The following LINGO2 variants were observed in gnomAD, a reference collection of about 807,000 sequenced individuals.
LINGO2 encodes leucine-rich repeat and immunoglobulin-like domain-containing nogo receptor-interacting protein 2.
In LINGO2, 14 loss-of-function variants were observed where a neutral mutation model predicts 30.6. The ratio of observed to expected loss-of-function variants is 0.46; its 90% CI spans 0.30 to 0.72. The LOEUF (loss-of-function observed/expected upper bound fraction) is 0.72, where lower values mean the gene tolerates loss of function less well. LINGO2 is among the 30% of genes least tolerant of loss of function. The pLI is 0.07. For synonymous variants in LINGO2, 317 were observed against 288.5 expected, an observed-to-expected ratio of 1.10 and a Z score of -1.00; for missense variants, 729 against 751.7, an observed-to-expected ratio of 0.97 and a Z score of 0.35.
At chr9:28,303,416 G>A (rs1824221957) in intron 3 of LINGO2, among the ~76,000 whole-genome samples, 1 of 151,990 alleles carries the variant, frequency 6.6e-6, no homozygotes, top group Non-Finnish European at 1.5e-5. Flanking sequence ...AAAGCTTGAG[G>A]GAGTGACACA....
At chr9:28,509,542 C>T (rs1820286155) in intron 1 of LINGO2, among the ~76,000 whole-genome samples, 1 of 152,096 alleles carries the variant, frequency 6.6e-6, no homozygotes, top group South Asian at 2.1e-4. Flanking sequence ...CAGTTGTGCC[C>T]CTATCAAAAT....
chr9:29,038,445 CTGAG>C, the LINGO2 span, among the ~76,000 whole-genome samples: 21 of 152,130 alleles, frequency 1.4e-4, no homozygotes, highest in African/African-American at 2.9e-4. Context: ...TCACTAATGA[CTGAG>C]TAAGTTTCCA....
At chr9:28,204,218 A>G (rs1294669388) in intron 4 of LINGO2, among the ~76,000 whole-genome samples, 1 of 152,132 alleles carries the variant, frequency 6.6e-6, no homozygotes, top group African/African-American at 2.4e-5. Flanking sequence ...TTGTCTTTAT[A>G]GTTGTACATA....
intron 1 of LINGO2, among the ~76,000 whole-genome samples, chr9:28,591,375 A>T (rs1824901311): frequency 6.6e-6 from 1 of 151,980 alleles, no homozygotes; most frequent in African/African-American, 2.4e-5. Context: ...AGTCTGCTTG[A>T]CAATCTACAT....
At chr9:29,029,172 C>T in the LINGO2 span, among the ~76,000 whole-genome samples, 2 of 152,046 alleles carry the variant, frequency 1.3e-5, no homozygotes, top group African/African-American at 4.8e-5. Flanking sequence ...CTTTGAACGC[C>T]AAACTCCTGC....
chr9:28,256,051 A>T (rs888526287), intron 4 of LINGO2, among the ~76,000 whole-genome samples: 4 of 152,056 alleles, frequency 2.6e-5, no homozygotes, highest in Non-Finnish European at 5.9e-5. Context: ...AATGTTTCAG[A>T]TCTTTGATTA....
chr9:29,058,084 G>T, the LINGO2 span, among the ~76,000 whole-genome samples: 1 of 151,844 alleles, frequency 6.6e-6, no homozygotes, highest in Non-Finnish European at 1.5e-5. Flanking sequence ...ATTTAAAACG[G>T]CAAGAAAATG....
chr9:27,990,597 T>C (rs1418027960), intron 5 of LINGO2, among the ~76,000 whole-genome samples: 1 of 151,880 alleles, frequency 6.6e-6, no homozygotes, highest in African/African-American at 2.4e-5. Context: ...AACTATGTAT[T>C]ATATCAAAAT....
At chr9:28,524,399 A>G (rs1011071896) in intron 1 of LINGO2, among the ~76,000 whole-genome samples, 1 of 152,224 alleles carries the variant, frequency 6.6e-6, no homozygotes, top group Non-Finnish European at 1.5e-5. Flanking sequence ...ATAATAAAAG[A>G]GATTAGACTT....
chr9:28,003,342 T>TATATATAGATAGATAGATAG (rs763522694), intron 5 of LINGO2, among the ~76,000 whole-genome samples: 28 of 141,734 alleles, frequency 2.0e-4, no homozygotes, highest in Non-Finnish European at 3.5e-4. Flanking sequence ...TATATAGATA[T>TATATATAGATAGATAGATAG]ATAGATAGAT....
chr9:29,021,146 G>A, the LINGO2 span, among the ~76,000 whole-genome samples: 1 of 152,040 alleles, frequency 6.6e-6, no homozygotes, highest in African/African-American at 2.4e-5. Flanking sequence ...GTACTATACT[G>A]TATACTCTCT....
the LINGO2 span, among the ~76,000 whole-genome samples, chr9:28,999,867 C>T: frequency 1.3e-5 from 2 of 151,596 alleles, no homozygotes; most frequent in Non-Finnish European, 2.9e-5. Flanking sequence ...TGCTCTGATA[C>T]ATTCCAATCC....
chr9:28,138,869 G>C (rs559644968), intron 4 of LINGO2, among the ~76,000 whole-genome samples: 1 of 152,210 alleles, frequency 6.6e-6, no homozygotes, highest in East Asian at 1.9e-4. Context: ...GAAAAGTCAA[G>C]GGACAAAGAA....
At chr9:28,307,014 G>A (rs912422675) in intron 3 of LINGO2, among the ~76,000 whole-genome samples, 3 of 152,032 alleles carry the variant, frequency 2.0e-5, no homozygotes, top group African/African-American at 7.2e-5. Flanking sequence ...GGAGGAACTG[G>A]TACCATTCCT....
downstream of LINGO2, among the ~76,000 whole-genome samples, chr9:27,945,981 C>T (rs13362909): frequency 0.12 from 18,279 of 152,044 alleles, 1,815 homozygotes; most frequent in African/African-American, 0.27. Context: ...GGTAGTCTAT[C>T]GGAGGCCAAT....
At chr9:28,269,715 C>T (rs1463435262) in intron 4 of LINGO2, among the ~76,000 whole-genome samples, 2 of 152,122 alleles carry the variant, frequency 1.3e-5, no homozygotes, top group Non-Finnish European at 2.9e-5. Context: ...AAAGACTTTG[C>T]TAGATTATTT....
At chr9:28,169,227 G>A (rs1411988913) in intron 4 of LINGO2, among the ~76,000 whole-genome samples, 1 of 152,158 alleles carries the variant, frequency 6.6e-6, no homozygotes, top group Non-Finnish European at 1.5e-5. Flanking sequence ...GCAGCATGCA[G>A]AACAAAAACA....
At chr9:28,291,721 T>A (rs75993109) in intron 4 of LINGO2, among the ~76,000 whole-genome samples, 3,801 of 152,256 alleles carry the variant, frequency 0.025, 149 homozygotes, top group African/African-American at 0.086. Flanking sequence ...TGGGACAATA[T>A]CTGACATGTA....
the LINGO2 span, among the ~76,000 whole-genome samples, chr9:29,173,884 C>G: frequency 6.6e-6 from 1 of 151,838 alleles, no homozygotes; most frequent in African/African-American, 2.4e-5. Context: ...AAATTTGTAC[C>G]TTATTTTACA....
Sources: gnomAD v4.1 joint callset for allele counts (sites outside exome capture counted in the v4.1 genomes callset) on GRCh38, gnomAD v4.1.1 for gene constraint, MANE v1.5 for transcripts, NCBI Gene and HGNC (gene_info 2026-07-23, HGNC 2026-07-21) for gene names.